The following FAM186A variants were observed in gnomAD, a reference collection of about 807,000 sequenced individuals.
FAM186A encodes protein FAM186A.
In FAM186A, 163 loss-of-function variants were observed where a neutral mutation model predicts 216.8. The observed-to-expected ratio is 0.75, with a 90% CI of 0.66 to 0.86. FAM186A has a LOEUF of 0.86. Among genes scored for constraint, FAM186A ranks in the 40% least tolerant of loss-of-function variants. FAM186A has a pLI of 0.00. For missense variants in FAM186A, 2,184 were observed against 2,746.2 expected (o/e 0.80, Z 4.58); for synonymous variants, 805 against 1,025.3 (o/e 0.79, Z 4.10).
intron 1 of FAM186A, among the ~76,000 whole-genome samples, chr12:50,380,123 C>G (rs116812246): frequency 1.3e-5 from 2 of 151,920 alleles, no homozygotes; most frequent in Admixed American, 1.3e-4. Context: ...TTGGGCTGAC[C>G]CAAAATGGAA....
chr12:50,342,934 G>T (rs1220800865), intron 4 of FAM186A, among the ~76,000 whole-genome samples: 1 of 83,526 alleles, frequency 1.2e-5, no homozygotes, highest in Non-Finnish European at 2.3e-5. Flanking sequence ...ACCAAGACTA[G>T]ATAATTTTTT....
intron 1 of FAM186A, chr12:50,365,885 T>C: frequency 1.3e-6 from 1 of 762,930 alleles, no homozygotes; most frequent in South Asian, 1.3e-5. Context: ...GGAAGAAATA[T>C]ATTATCTACA....
chr12:50,363,384 G>A lies in FAM186A; in HGVS notation c.193-20C>T, dbSNP rs1289008174. ...AATGTCCTGTCAGAATAAGAAGGGG[G>A]CATGTATTAATCTTCAGTTTGAAAA... is the stretch of plus-strand genomic sequence containing the variant. On this transcript the variant is annotated intron_variant, in intron 1 of 7. Coordinates refer to ENST00000327337, the MANE Select transcript of FAM186A (RefSeq NM_001145475.3). The A allele has an allele frequency of 1.2e-5, 18 of 1,528,426 alleles. No individual in the cohort carries two copies. In the South Asian group the frequency reaches 2.0e-4, roughly 17 times the overall value. 94.7% of individuals were successfully genotyped at this position (1,528,426 alleles called of 1,614,324 possible).
At chr12:50,336,675 C>T (rs7134595) in intron 4 of FAM186A, among the ~76,000 whole-genome samples, 48,784 of 151,766 alleles carry the variant, frequency 0.32, 8,109 homozygotes, top group South Asian at 0.48. Flanking sequence ...GGTAAGAAAA[C>T]GAAAGTTATA....
At chr12:50,358,915 T>G (rs1943004415) in intron 3 of FAM186A, among the ~76,000 whole-genome samples, 1 of 104,476 alleles carries the variant, frequency 9.6e-6, no homozygotes, top group African/African-American at 3.3e-5. Context: ...AGAGTAAGAC[T>G]CTGTCTCAAA....
intron 1 of FAM186A, among the ~76,000 whole-genome samples, chr12:50,378,589 G>GTA (rs375076195): frequency 0.057 from 2,220 of 39,036 alleles, 65 homozygotes; most frequent in African/African-American, 0.084. Context: ...TATGTAAATT[G>GTA]TATATATATA....
chr12:50,332,985 G>A (rs1461726014), intron 5 of FAM186A, among the ~76,000 whole-genome samples: 1 of 151,876 alleles, frequency 6.6e-6, no homozygotes, highest in Non-Finnish European at 1.5e-5. Context: ...CCGAGATCAC[G>A]CCACTGCACT....
intron 4 of FAM186A, among the ~76,000 whole-genome samples, chr12:50,335,357 A>G (rs937435622): frequency 1.1e-4 from 17 of 152,120 alleles, no homozygotes; most frequent in African/African-American, 3.9e-4. Flanking sequence ...AGACACATAG[A>G]AGGTAAGGCC....
At chr12:50,359,354 C>T (rs1014036181) in intron 3 of FAM186A, among the ~76,000 whole-genome samples, 2 of 151,934 alleles carry the variant, frequency 1.3e-5, no homozygotes, top group African/African-American at 2.4e-5. Context: ...GCTGAGATCA[C>T]ACCACTGCAC....
intron 1 of FAM186A, among the ~76,000 whole-genome samples, chr12:50,382,285 T>G (rs1319952614): frequency 6.8e-6 from 1 of 147,238 alleles, no homozygotes; most frequent in Non-Finnish European, 1.5e-5. Context: ...TGTCCACACA[T>G]GCTTAGAGAT....
At chr12:50,379,808 A>G (rs781204656) in intron 1 of FAM186A, among the ~76,000 whole-genome samples, 18 of 152,206 alleles carry the variant, frequency 1.2e-4, no homozygotes, top group Non-Finnish European at 2.1e-4. Flanking sequence ...GTAAAGCACA[A>G]AAGAATATAG....
chr12:50,329,067 C>T (rs1482027436), intron 7 of FAM186A, among the ~76,000 whole-genome samples: 1 of 152,062 alleles, frequency 6.6e-6, no homozygotes, highest in Non-Finnish European at 1.5e-5. Flanking sequence ...TTGCAGTGAG[C>T]CAAGATTGCA....
rs2136097752 is a variant in FAM186A, at chr12:50,363,174, G to T, written c.383C>A (p.Ala128Asp). Residue 128 changes from alanine (A) to aspartate (D), a missense_variant, in exon 2 of 8, where the codon GCC (alanine) becomes GAC (aspartate). Transcript: ENST00000327337. ...KTIEIREKTL[A>D]NILAWLEEWN... ...TTCTTCCAACCAGGCCAGAATGTTGGCAAGAGTCTTTTCTCTTATTTCAAT... is the reference window on the plus strand; with the variant it reads ...TTCTTCCAACCAGGCCAGAATGTTGTCAAGAGTCTTTTCTCTTATTTCAAT... 6.4e-7 allele frequency: 1 copy of T among 1,550,586 alleles called. No homozygotes were observed. Among genetic ancestry groups the T allele is most frequent in the East Asian group, 2.4e-5 (1 of 40,902 alleles).
intron 4 of FAM186A, among the ~76,000 whole-genome samples, chr12:50,337,528 G>A (rs1240239584): frequency 2.0e-5 from 3 of 150,352 alleles, no homozygotes; most frequent in Admixed American, 6.6e-5. Context: ...TTAACTCCTG[G>A]GACCAAGTGA....
chr12:50,391,592 G>A (rs1427573681), intron 1 of FAM186A, among the ~76,000 whole-genome samples: 1 of 151,310 alleles, frequency 6.6e-6, no homozygotes, highest in Non-Finnish European at 1.5e-5. Flanking sequence ...GGGATTACAG[G>A]TGTGAGCCAC....
chr12:50,392,895 G>A (rs1429875766), intron 1 of FAM186A, among the ~76,000 whole-genome samples: 49 of 147,218 alleles, frequency 3.3e-4, no homozygotes, highest in African/African-American at 1.2e-3. Flanking sequence ...ACAGGCGTGA[G>A]CCACCGCGCC....
At chr12:50,390,196 A>G (rs1226116958) in intron 1 of FAM186A, among the ~76,000 whole-genome samples, 1 of 152,186 alleles carries the variant, frequency 6.6e-6, no homozygotes, top group East Asian at 1.9e-4. Flanking sequence ...CCTGGGATTA[A>G]TGTCAGCTCA....
chr12:50,353,351 T>A lies in FAM186A; in HGVS notation c.3481A>T (p.Thr1161Ser). The A allele has an allele frequency of 7.9e-7, 1 of 1,271,630 alleles. No homozygotes were observed. Among genetic ancestry groups the A allele is most frequent in the Non-Finnish European group, 1.0e-6 (1 of 999,438 alleles). 78.8% of individuals were successfully genotyped at this position (1,271,630 alleles called of 1,614,324 possible). The stretch of plus-strand genomic sequence containing the variant: ...ATCCCTAGTTTCTGAGCCTGCTGAG[T>A]GGTGAGAGAGATCCCCGGGGCCTGG... ...QDQAPGISLT[T>S]QQAQKLGIPL... Residue 1161 changes from threonine (T) to serine (S), a missense_variant, in exon 4 of 8, where the codon ACT becomes TCT. Transcript: ENST00000327337.
At chr12:50,348,038 ATTTTT>A (rs71083540) in intron 4 of FAM186A, among the ~76,000 whole-genome samples, 6 of 81,336 alleles carry the variant, frequency 7.4e-5, no homozygotes, top group Admixed American at 1.8e-4. Flanking sequence ...ATGCCTGGTA[ATTTTT>A]TTTTTTTTTT....
Sources: allele counts gnomAD v4.1 joint callset (sites outside exome capture counted in the v4.1 genomes callset), GRCh38; gene constraint gnomAD v4.1.1; transcripts MANE v1.5; gene names NCBI Gene and HGNC (gene_info 2026-07-23, HGNC 2026-07-21).